RP2: variants seen among roughly 807,000 people sequenced by gnomAD.
The protein encoded by RP2 is RP2 activator of ARL3 GTPase.
RP2 carries 3 observed loss-of-function variants against 20.3 expected under a neutral mutation model. That is an observed-to-expected ratio of 0.15 (90% CI 0.07 to 0.38). The LOEUF is 0.38. RP2 is among the 10% of genes least tolerant of loss of function. The pLI, the probability that RP2 is intolerant of heterozygous loss-of-function variation, is 1.00. For missense variants in RP2, 233 were observed against 268.5 expected (o/e 0.87, Z 0.92); for synonymous variants, 75 against 94.8 (o/e 0.79, Z 1.22).
intron 3 of RP2, among the ~76,000 whole-genome samples, chrX:46,869,410 C>T (rs2147086640): frequency 9.4e-6 from 1 of 106,263 alleles, no homozygotes; most frequent in South Asian, 4.4e-4. Flanking sequence ...AGTGATTCTC[C>T]TGCCTCAGCC....
intron 3 of RP2, among the ~76,000 whole-genome samples, chrX:46,862,032 A>C (rs782368937): frequency 1.8e-5 from 2 of 112,142 alleles, no homozygotes; most frequent in South Asian, 7.4e-4. Flanking sequence ...TATTTCAGAC[A>C]AAGATTATCA....
chrX:46,879,846 G>A lies in RP2; in HGVS notation c.*77G>A. On this transcript the variant is annotated 3_prime_UTR_variant, in exon 5 of 5. Transcript: ENST00000218340. ...ATAGAATTTGATAATACACTTTTGT[G>A]TATTAGCAATGGTTTTTACTAATGC... 1.7e-6 allele frequency: 1 copy of A among 595,942 alleles called. No individual in the cohort carries two copies. The highest frequency in any genetic ancestry group is 2.7e-6 in the Non-Finnish European group (1 of 372,807). 49.1% of individuals were successfully genotyped at this position (595,942 alleles called of 1,213,427 possible).
chrX:46,877,405 CAAA>C (rs1602354968), intron 3 of RP2, 97 bp from the exon 4 acceptor site: 15 of 615,157 alleles, frequency 2.4e-5, no homozygotes, highest in Non-Finnish European at 4.0e-5. Context: ...CTTTCACCCT[CAAA>C]GAAGATGCTG....
rs1925022263 is a variant in RP2, at chrX:46,859,240, T to C, written c.769-748T>C. ...GCTCATGCTTATAATTCCAGCATCT[T>C]GGGTGGCTGAGGCAGGAGGATGGCT... On this transcript the variant is annotated intron_variant, in intron 2 of 4. Transcript: ENST00000218340. Among the ~76,000 whole-genome samples the C allele has an allele frequency of 4.5e-5, 5 of 111,197 alleles. No individual in the cohort carries two copies. In the Admixed American group the frequency reaches 4.8e-4, roughly 11 times the overall value.
At chrX:46,875,097 G>C (rs1158487165) in intron 3 of RP2, among the ~76,000 whole-genome samples, 1 of 110,006 alleles carries the variant, frequency 9.1e-6, no homozygotes, top group African/African-American at 3.3e-5. Context: ...CATTAATTGA[G>C]AAGGCACATA....
chrX:46,845,792 C>T (rs1924706539), intron 1 of RP2, among the ~76,000 whole-genome samples: 1 of 109,868 alleles, frequency 9.1e-6, no homozygotes, highest in African/African-American at 3.3e-5. Flanking sequence ...GAGATGGGGT[C>T]TCACTGTGTC....
At chrX:46,871,228 G>A (rs1413608131) in intron 3 of RP2, among the ~76,000 whole-genome samples, 1 of 107,448 alleles carries the variant, frequency 9.3e-6, no homozygotes, top group Non-Finnish European at 1.9e-5. Context: ...CACCATGTTG[G>A]CCAGGCTAGT....
chrX:46,877,367 C>T, intron 3 of RP2, 138 bp from the exon 4 acceptor site: 1 of 500,534 alleles, frequency 2.0e-6, no homozygotes, highest in East Asian at 3.7e-5. Context: ...GGTGATATGT[C>T]CCATCTGTCT....
chrX:46,842,283 C>T (rs1556315064), intron 1 of RP2, among the ~76,000 whole-genome samples: 1 of 111,777 alleles, frequency 8.9e-6, no homozygotes, highest in Non-Finnish European at 1.9e-5. Flanking sequence ...CCCACCACAG[C>T]CAACTATTGT....
intron 1 of RP2, among the ~76,000 whole-genome samples, chrX:46,838,286 C>T (rs1556314081): frequency 8.9e-6 from 1 of 112,173 alleles, no homozygotes; most frequent in African/African-American, 3.2e-5. Flanking sequence ...CTTTTTGCAG[C>T]TTTTCTCAGC....
At chrX:46,854,376 A>T (rs1012980744) in intron 2 of RP2, among the ~76,000 whole-genome samples, 1 of 112,192 alleles carries the variant, frequency 8.9e-6, no homozygotes, top group Admixed American at 9.5e-5. Flanking sequence ...AGCATTAAGC[A>T]TTTGTTTGTA....
At position 46,854,109 on chromosome X, in the gene RP2, A is replaced by G; in HGVS notation, c.736A>G (p.Thr246Ala). 1.7e-6 allele frequency: 2 copies of G among 1,211,368 alleles called. No individual in the cohort carries two copies. The highest frequency in any genetic ancestry group is 2.2e-6 in the Non-Finnish European group (2 of 895,028). The change falls in exon 2 of 5, where the codon ACT (threonine) becomes GCT (alanine). Residue 246 changes from threonine to alanine, a missense_variant. This residue lies in a region of RP2 where 118 missense variants were observed against 123.8 expected (regional missense o/e 0.95). Transcript: ENST00000218340. ...AGTGGTATTATTTGCTGGTGATTACACTATTGCAAATGCCAGAAAACTAAT... is the reference window on the plus strand; with the variant it reads ...AGTGGTATTATTTGCTGGTGATTACGCTATTGCAAATGCCAGAAAACTAAT... ...CLVVLFAGDY[T>A]IANARKLIDE...
chrX:46,858,346 C>A (rs1925003011), intron 2 of RP2, among the ~76,000 whole-genome samples: 1 of 111,325 alleles, frequency 9.0e-6, no homozygotes, highest in African/African-American at 3.3e-5. Context: ...AGTTGCAGCA[C>A]CCTGGTTGAT....
intron 3 of RP2, among the ~76,000 whole-genome samples, chrX:46,865,493 C>T (rs1186718236): frequency 8.9e-6 from 1 of 111,962 alleles, no homozygotes; most frequent in Non-Finnish European, 1.9e-5. Flanking sequence ...ATTTCTCTGC[C>T]GTAAAGTTTC....
chrX:46,862,388 T>C (rs182025676), intron 3 of RP2, among the ~76,000 whole-genome samples: 2,699 of 99,670 alleles, frequency 0.027, 82 homozygotes, highest in African/African-American at 0.091. Flanking sequence ...TGGCCGGGTG[T>C]GGTGGCTCAC....
chrX:46,857,947 A>G (rs1924994403), intron 2 of RP2, among the ~76,000 whole-genome samples: 1 of 111,933 alleles, frequency 8.9e-6, no homozygotes, highest in Non-Finnish European at 1.9e-5. Context: ...CAATTTTTAA[A>G]TGTATGTTTC....
chrX:46,847,757 T>TATACACACATGTGTGTGTAC (rs1924758247), intron 1 of RP2, among the ~76,000 whole-genome samples: 2 of 87,509 alleles, frequency 2.3e-5, no homozygotes, highest in African/African-American at 9.3e-5. Context: ...TGTGTGTGTA[T>TATACACACATGTGTGTGTAC]ATACACACAT....
rs548728428 is a variant in RP2 at position 46,839,053 on chromosome X, CA to C, written c.102+1854del. Among the ~76,000 whole-genome samples the C allele has an allele frequency of 3.6e-5, 4 of 111,176 alleles. No individual in the cohort carries two copies. The South Asian group carries it at 1.5e-3, about 41-fold the overall frequency. On this transcript the variant is annotated intron_variant, in intron 1 of 4. Coordinates refer to ENST00000218340, the MANE Select transcript of RP2 (RefSeq NM_006915.3). ...GCCAATCAAAATGAGAATTTCTAACCAAATGAGCATTCTGAAAAAAACCCCA... is the reference window on the plus strand; with the variant it reads ...GCCAATCAAAATGAGAATTTCTAACCAATGAGCATTCTGAAAAAAACCCCA...
At chrX:46,850,682 C>T (rs1276921113) in intron 1 of RP2, among the ~76,000 whole-genome samples, 1 of 111,680 alleles carries the variant, frequency 9.0e-6, no homozygotes, top group Admixed American at 9.6e-5. Flanking sequence ...ACCTAATGAG[C>T]TCTAGCTTAT....
Sources: gnomAD v4.1 joint callset for allele counts (sites outside exome capture counted in the v4.1 genomes callset) on GRCh38, gnomAD v4.1.1 for gene constraint, gnomAD v4.1.1 regional missense constraint, MANE v1.5 for transcripts, NCBI Gene and HGNC (gene_info 2026-07-23, HGNC 2026-07-21) for gene names.